TENM3: variants seen among roughly 807,000 people sequenced by gnomAD.
TENM3 encodes the protein teneurin-3.
TENM3 carries 63 observed loss-of-function variants against 255.1 expected under a neutral mutation model. That is an observed-to-expected ratio of 0.25 (90% CI 0.20 to 0.30). TENM3 has a LOEUF of 0.30. TENM3 is among the 10% of genes least tolerant of loss of function. The probability of loss-of-function intolerance (pLI) is 1.00; values close to 1 mark genes in which losing one functional copy is unlikely to be tolerated. For missense variants in TENM3, 2,929 were observed against 3,461.1 expected, an observed-to-expected ratio of 0.85 and a Z score of 3.86; for synonymous variants, 1,306 against 1,322.3, an observed-to-expected ratio of 0.99 and a Z score of 0.27.
chr4:182,346,998 G>GT lies in TENM3; in HGVS notation c.511+69_511+70insT, dbSNP rs942961597. ...CTGTCTGTTTTGGTTGACTCCGCGG[G>GT]GGGGGATGTTTTTCTTTCTCTCCTT... On this transcript the variant is annotated intron_variant, in intron 3 of 27. Transcript: ENST00000511685. 6.1e-6 allele frequency: 7 copies of GT among 1,147,662 alleles called. No homozygotes were observed. In the African/African-American group the frequency reaches 1.1e-4, roughly 18 times the overall value. The allele number at this position is 1,147,662 out of a possible 1,614,324, so 71.1% of individuals were successfully genotyped here.
At chr4:182,657,802 G>A (rs926551387) in intron 6 of TENM3, among the ~76,000 whole-genome samples, 16 of 152,090 alleles carry the variant, frequency 1.1e-4, no homozygotes, top group Non-Finnish European at 2.1e-4. Flanking sequence ...GGGACTACAG[G>A]CACATGTCAC....
chr4:181,463,435 A>G, the TENM3 span, among the ~76,000 whole-genome samples: 1 of 152,160 alleles, frequency 6.6e-6, no homozygotes, highest in African/African-American at 2.4e-5. Context: ...CCATGGCTGC[A>G]TTAGGCTTAC....
At chr4:182,517,485 G>T (rs1345485171) in intron 3 of TENM3, among the ~76,000 whole-genome samples, 1 of 135,488 alleles carries the variant, frequency 7.4e-6, no homozygotes, top group East Asian at 2.3e-4. Context: ...CCGGGTTCAC[G>T]CCATTCTCCT....
At chr4:181,844,531 G>A in the TENM3 span, among the ~76,000 whole-genome samples, 2 of 151,980 alleles carry the variant, frequency 1.3e-5, no homozygotes, top group East Asian at 1.9e-4. Flanking sequence ...AGCCGGGAGT[G>A]GTGGCGGGCG....
chr4:182,614,354 A>G (rs755735938), intron 4 of TENM3, among the ~76,000 whole-genome samples: 7 of 152,138 alleles, frequency 4.6e-5, no homozygotes, highest in Admixed American at 2.6e-4. Flanking sequence ...AAAATGGCCA[A>G]TTTTTAGAAA....
rs1766192550 is a variant in TENM3, at chr4:182,792,543, A to G, written c.5871A>G (p.Ser1957=). 5 of 1,614,070 alleles carry G rather than the reference A, an allele frequency of 3.1e-6. No homozygotes were observed. The highest frequency in any genetic ancestry group is 4.2e-6 in the Non-Finnish European group (5 of 1,179,902). Reference sequence around the variant, plus strand: ...AATACAGAAGGCAGACTAGGCTCTCAGAAATTTTATATGATAGCACAAGAG... The same window carrying G: ...AATACAGAAGGCAGACTAGGCTCTCGGAAATTTTATATGATAGCACAAGAG... The part of the protein sequence containing the change: ...LFKYRRQTRL[S]EILYDSTRVS... Residue 1957 remains serine (S), a synonymous_variant, in exon 26 of 28, where the codon TCA becomes TCG. Transcript: ENST00000511685. This position sits in a 1 kb window ranked among gnomAD's most constrained non-coding sequence, Gnocchi z 6.3.
the TENM3 span, among the ~76,000 whole-genome samples, chr4:181,605,568 A>AG: frequency 7.1e-5 from 3 of 42,156 alleles, no homozygotes; most frequent in East Asian, 6.3e-4. Flanking sequence ...GAAAGAAAGA[A>AG]AGAGAGAGAA....
chr4:182,399,917 G>A (rs192401188), intron 3 of TENM3, among the ~76,000 whole-genome samples: 82 of 152,228 alleles, frequency 5.4e-4, no homozygotes, highest in African/African-American at 1.9e-3. Flanking sequence ...TCTTGGTGGT[G>A]AAATTTATGA....
the TENM3 span, among the ~76,000 whole-genome samples, chr4:181,687,576 A>G: frequency 0.011 from 1,705 of 151,926 alleles, 29 homozygotes; most frequent in African/African-American, 0.04. Context: ...ATTGTTGGTG[A>G]CTCCAGCCAC....
At chr4:182,664,102 C>T (rs959058787) in intron 6 of TENM3, among the ~76,000 whole-genome samples, 7 of 152,126 alleles carry the variant, frequency 4.6e-5, no homozygotes, top group African/African-American at 1.4e-4. Context: ...TATTTTATTA[C>T]GCTTTATCAT....
intron 24 of TENM3, among the ~76,000 whole-genome samples, chr4:182,784,542 C>T (rs867693346): frequency 1.3e-5 from 2 of 151,828 alleles, no homozygotes; most frequent in Non-Finnish European, 1.5e-5. Context: ...GTGGAGCCTA[C>T]AGAGGCAGGC....
In TENM3 at chr4:182,324,175, A is replaced by T; in HGVS notation, c.155A>T (p.His52Leu). 1 of 1,614,050 alleles carries T rather than the reference A, an allele frequency of 6.2e-7. No homozygotes were observed. The highest frequency in any genetic ancestry group is 8.5e-7 in the Non-Finnish European group (1 of 1,179,902). Residue 52 changes from histidine (H) to leucine (L), a missense_variant, in exon 2 of 28, where the codon CAT becomes CTT. By Grantham distance (99) the His-to-Leu change is moderately conservative. This residue lies in a region of TENM3 where 283 missense variants were observed against 256.9 expected (regional missense o/e 1.10). Coordinates refer to ENST00000511685, the MANE Select transcript of TENM3 (RefSeq NM_001080477.4). ...AGCGAGACATTGAAAGCTTTTGATC[A>T]TGATTCCTCGCGGCTGCTTTACGGC... Reference protein sequence around the residue: ...SSSETLKAFDHDSSRLLYGNR... With the variant: ...SSSETLKAFDLDSSRLLYGNR...
chr4:182,248,070 A>T (rs1245541978), intron 1 of TENM3, among the ~76,000 whole-genome samples: 1 of 152,206 alleles, frequency 6.6e-6, no homozygotes, highest in Non-Finnish European at 1.5e-5. Flanking sequence ...GAAATACATC[A>T]CTTATAATTG....
the TENM3 span, among the ~76,000 whole-genome samples, chr4:181,534,838 G>T: frequency 1.3e-5 from 2 of 152,052 alleles, no homozygotes; most frequent in African/African-American, 4.8e-5. Context: ...AGCTTTTCAG[G>T]CACTCAAACT....
In TENM3 at chr4:182,731,972, A is replaced by AGTG. The variant is rs528832983; in HGVS notation, c.2967+834_2967+835insTGG. ...AATTTTTTGTATTTTTAGTAGAGGC[A>AGTG]GGGTTTCATCATGTTGGCCAGGATG... On this transcript the variant is annotated intron_variant, in intron 16 of 27. Coordinates refer to ENST00000511685, the MANE Select transcript of TENM3 (RefSeq NM_001080477.4). Among the ~76,000 whole-genome samples, 56 of 151,818 alleles carry AGTG rather than the reference A, an allele frequency of 3.7e-4. No homozygotes were observed. The South Asian group carries it at 6.5e-3, about 18-fold the overall frequency.
At chr4:182,444,409 T>C (rs17073291) in intron 3 of TENM3, among the ~76,000 whole-genome samples, 52,034 of 151,970 alleles carry the variant, frequency 0.34, 9,200 homozygotes, top group Middle Eastern at 0.42. Context: ...AACAATTTCT[T>C]TGATATGCTT....
chr4:181,706,091 G>A, the TENM3 span, among the ~76,000 whole-genome samples: 12 of 152,090 alleles, frequency 7.9e-5, no homozygotes. Flanking sequence ...GGCAGGGTGG[G>A]GTCCTTCTGA....
At chr4:181,475,865 C>T in the TENM3 span, among the ~76,000 whole-genome samples, 1 of 152,134 alleles carries the variant, frequency 6.6e-6, no homozygotes, top group African/African-American at 2.4e-5. Flanking sequence ...ACATTTCTAC[C>T]CCCGCAAAGC....
upstream of TENM3, chr4:182,141,889 T>C (rs1749459461): frequency 6.6e-6 from 1 of 152,196 alleles, no homozygotes; most frequent in African/African-American, 2.4e-5. Flanking sequence ...CTGGCCTCTT[T>C]AGGATTGGGG....
Sources: allele counts gnomAD v4.1 joint callset (sites outside exome capture counted in the v4.1 genomes callset), GRCh38; gene constraint gnomAD v4.1.1; regional missense constraint gnomAD v4.1.1; non-coding constraint Gnocchi (gnomAD v3.1); transcripts MANE v1.5; gene names NCBI Gene and HGNC (gene_info 2026-07-23, HGNC 2026-07-21).